PPP3R1: variants seen among roughly 807,000 people sequenced by gnomAD.
PPP3R1 encodes the protein calcineurin subunit B type 1.
In PPP3R1, 5 loss-of-function variants were observed where a neutral mutation model predicts 22.6. That is an observed-to-expected ratio of 0.22 (90% CI 0.12 to 0.46). The LOEUF (loss-of-function observed/expected upper bound fraction) is 0.46. Ranked by LOEUF, PPP3R1 falls within the 20% of genes least tolerant of loss-of-function variation. PPP3R1 has a pLI of 0.99. For synonymous variants in PPP3R1, 56 were observed against 65.2 expected, an observed-to-expected ratio of 0.86 and a Z score of 0.68; for missense variants, 61 against 203.2, an observed-to-expected ratio of 0.30 and a Z score of 4.25.
intron 2 of PPP3R1, among the ~76,000 whole-genome samples, chr2:68,211,041 C>T (rs751233436): frequency 6.6e-6 from 1 of 152,114 alleles, no homozygotes; most frequent in South Asian, 2.1e-4. Flanking sequence ...GTTATATTTA[C>T]GTATTACTGT....
intron 2 of PPP3R1, among the ~76,000 whole-genome samples, chr2:68,210,378 C>T (rs1401519735): frequency 6.6e-6 from 1 of 151,890 alleles, no homozygotes. Context: ...ATCCACACTC[C>T]TTATACTCCT....
At position 68,181,909 on chromosome 2, in the gene PPP3R1, GT is replaced by G. The variant is rs1674413357; in HGVS notation, c.466-900del. ...TGAATACTGACATGGTAATGTGTAA[GT>G]GTAGTATCTGTATCATTTGGGGGGA... On this transcript the variant is annotated intron_variant, in intron 5 of 5. Coordinates refer to ENST00000234310, the MANE Select transcript of PPP3R1 (RefSeq NM_000945.4). 1.2e-4 allele frequency among the ~76,000 whole-genome samples: 19 copies of G among 152,204 alleles called. 1 individual carries two copies. In the South Asian group the frequency reaches 3.9e-3, roughly 32 times the overall value.
In PPP3R1 at chr2:68,179,137, A is replaced by G. The variant is rs893003008; in HGVS notation, c.*1826T>C. 2.0e-5 allele frequency: 3 copies of G among 152,658 alleles called. No individual in the cohort carries two copies. The highest frequency in any genetic ancestry group is 7.2e-5 in the African/African-American group (3 of 41,464). The allele number at this position is 152,658 out of a possible 1,614,324, so 9.5% of individuals were successfully genotyped here. On this transcript the variant is annotated 3_prime_UTR_variant, in exon 6 of 6. Coordinates refer to ENST00000234310, the MANE Select transcript of PPP3R1 (RefSeq NM_000945.4). ...AAGCATTTGCTAAAATATTTGTAAC[A>G]AATACTTATGTACAAAAAATTCACA...
intron 2 of PPP3R1, among the ~76,000 whole-genome samples, chr2:68,210,386 C>T (rs1669455349): frequency 6.6e-6 from 1 of 152,202 alleles, no homozygotes; most frequent in African/African-American, 2.4e-5. Context: ...TCCTTATACT[C>T]CTCATTCTCC....
intron 4 of PPP3R1, 85 bp from the exon 5 acceptor site, chr2:68,186,737 C>A: frequency 2.5e-6 from 3 of 1,195,940 alleles, no homozygotes; most frequent in Non-Finnish European, 3.6e-6. Flanking sequence ...AGTAAACTGA[C>A]AAACATCAAA....
chr2:68,199,169 G>A (rs866321279), intron 2 of PPP3R1, among the ~76,000 whole-genome samples: 14 of 152,174 alleles, frequency 9.2e-5, no homozygotes, highest in Admixed American at 2.6e-4. Flanking sequence ...TCACCATGTT[G>A]GCCAGGATGG....
At chr2:68,198,216 A>G (rs996496206) in intron 2 of PPP3R1, among the ~76,000 whole-genome samples, 4 of 135,438 alleles carry the variant, frequency 3.0e-5, no homozygotes, top group Non-Finnish European at 6.3e-5. Context: ...GCATACATAT[A>G]TACATTTTAC....
At chr2:68,189,091 C>A (rs1327846288) in intron 2 of PPP3R1, among the ~76,000 whole-genome samples, 1 of 152,158 alleles carries the variant, frequency 6.6e-6, no homozygotes. Flanking sequence ...AACCTCTGTT[C>A]TGTAAACCGA....
At chr2:68,218,621 GTT>G (rs3214785) in intron 1 of PPP3R1, among the ~76,000 whole-genome samples, 5 of 149,698 alleles carry the variant, frequency 3.3e-5, no homozygotes, top group African/African-American at 1.2e-4. Context: ...TTTTTTTAAT[GTT>G]TTTTTTTCCT....
At chr2:68,198,177 GTATATATAA>G (rs1387709993) in intron 2 of PPP3R1, among the ~76,000 whole-genome samples, 1 of 135,950 alleles carries the variant, frequency 7.4e-6, no homozygotes, top group African/African-American at 2.8e-5. Context: ...ATACATACAT[GTATATATAA>G]TATATATTTA....
chr2:68,194,126 C>T (rs1009556542), intron 2 of PPP3R1, among the ~76,000 whole-genome samples: 5 of 151,962 alleles, frequency 3.3e-5, no homozygotes, highest in Admixed American at 1.3e-4. Context: ...TTATATTAGA[C>T]AAAATATTAA....
intron 2 of PPP3R1, among the ~76,000 whole-genome samples, chr2:68,205,727 G>A (rs959555891): frequency 3.9e-5 from 6 of 152,152 alleles, no homozygotes; most frequent in Admixed American, 1.3e-4. Flanking sequence ...AGATGACCTT[G>A]ATAGCAGTGT....
chr2:68,185,486 T>C lies in PPP3R1; in HGVS notation c.465+982A>G, dbSNP rs986931166. Among the ~76,000 whole-genome samples the C allele has an allele frequency of 8.8e-5, 13 of 147,906 alleles. No individual in the cohort carries two copies. In the East Asian group the frequency reaches 2.5e-3, roughly 29 times the overall value. On this transcript the variant is annotated intron_variant, in intron 5 of 5. Coordinates refer to ENST00000234310, the MANE Select transcript of PPP3R1 (RefSeq NM_000945.4). ...TTATATATTATATATATGTAAAATATACATAAGATATATACATTTTATTTA... is the reference window on the plus strand; with the variant it reads ...TTATATATTATATATATGTAAAATACACATAAGATATATACATTTTATTTA...
chr2:68,248,857 T>C (rs1431256130), intron 1 of PPP3R1, among the ~76,000 whole-genome samples: 1 of 152,196 alleles, frequency 6.6e-6, no homozygotes, highest in Non-Finnish European at 1.5e-5. Flanking sequence ...GTACTATTCA[T>C]ATGACACTCA....
chr2:68,215,984 T>C (rs1214414691), intron 2 of PPP3R1, among the ~76,000 whole-genome samples: 1 of 152,172 alleles, frequency 6.6e-6, no homozygotes, highest in Non-Finnish European at 1.5e-5. Flanking sequence ...CAATTAGTTG[T>C]TTTTTAGACT....
At chr2:68,196,806 C>A (rs1441379038) in intron 2 of PPP3R1, among the ~76,000 whole-genome samples, 1 of 151,962 alleles carries the variant, frequency 6.6e-6, no homozygotes. Flanking sequence ...CTCACTGTAA[C>A]CTCTGCCTCC....
At chr2:68,181,794 T>C (rs540926274) in intron 5 of PPP3R1, among the ~76,000 whole-genome samples, 1 of 152,268 alleles carries the variant, frequency 6.6e-6, no homozygotes, top group South Asian at 2.1e-4. Flanking sequence ...CTCAGTCTGT[T>C]CTAGACAATT....
At chr2:68,234,292 G>A (rs1242705363) in intron 1 of PPP3R1, among the ~76,000 whole-genome samples, 1 of 151,922 alleles carries the variant, frequency 6.6e-6, no homozygotes. Flanking sequence ...GCAGTGAGCC[G>A]AGATTGTGCC....
intron 1 of PPP3R1, among the ~76,000 whole-genome samples, chr2:68,219,726 T>A (rs931247253): frequency 1.3e-5 from 2 of 152,160 alleles, no homozygotes; most frequent in African/African-American, 4.8e-5. Context: ...ACATACCCAA[T>A]AAGGTACTGA....
Sources: allele counts gnomAD v4.1 joint callset (sites outside exome capture counted in the v4.1 genomes callset), GRCh38; gene constraint gnomAD v4.1.1; transcripts MANE v1.5; gene names NCBI Gene and HGNC (gene_info 2026-07-23, HGNC 2026-07-21).